The following CDK8 variants were observed in gnomAD, a reference collection of about 807,000 sequenced individuals.
CDK8 encodes the protein cyclin dependent kinase 8, also known as cyclin-dependent kinase 8.
CDK8 carries 29 observed loss-of-function variants against 71.5 expected under a neutral mutation model. The ratio of observed to expected loss-of-function variants is 0.41; its 90% CI spans 0.30 to 0.55. The LOEUF is 0.55. Ranked by LOEUF, CDK8 falls within the 20% of genes least tolerant of loss-of-function variation. CDK8 has a pLI of 0.37. For synonymous variants in CDK8, 161 were observed against 192.1 expected (o/e 0.84, Z 1.34); for missense variants, 288 against 572.6 (o/e 0.50, Z 5.07).
rs1212546124 is a variant in CDK8, at chr13:26,262,508, A to G, written c.128+7739A>G. ...GAAAAGTAATACCTGTGAAAATACC[A>G]GGAGAAGCAAAATTTGATGGGTTTC... On this transcript the variant is annotated intron_variant, in intron 1 of 12. Coordinates refer to ENST00000381527, the MANE Select transcript of CDK8 (RefSeq NM_001260.3). Among the ~76,000 whole-genome samples the G allele has an allele frequency of 2.0e-5, 3 of 152,358 alleles. No individual in the cohort carries two copies. The East Asian group carries it at 5.8e-4, about 29-fold the overall frequency.
intron 1 of CDK8, 127 bp from the exon 2 acceptor site, chr13:26,337,440 T>G: frequency 2.9e-6 from 1 of 339,740 alleles, no homozygotes; most frequent in Non-Finnish European, 5.3e-6. Flanking sequence ...TTGTACGACA[T>G]TGTATGATTA....
intron 3 of CDK8, among the ~76,000 whole-genome samples, chr13:26,350,949 A>G (rs139877158): frequency 3.3e-5 from 5 of 152,170 alleles, no homozygotes; most frequent in African/African-American, 1.2e-4. Context: ...TAACATTTAT[A>G]TATTTTTTAA....
intron 4 of CDK8, 112 bp from the exon 5 acceptor site, chr13:26,382,702 T>C: frequency 1.6e-6 from 1 of 644,428 alleles, no homozygotes; most frequent in South Asian, 2.4e-5. Context: ...TGGTTTTAAT[T>C]TTTGAATAAA....
intron 1 of CDK8, among the ~76,000 whole-genome samples, chr13:26,305,554 C>G (rs1874008220): frequency 6.6e-6 from 1 of 151,950 alleles, no homozygotes. Context: ...TCTTTCTTGT[C>G]CCTCTCTCTT....
intron 1 of CDK8, among the ~76,000 whole-genome samples, chr13:26,329,482 TG>T (rs1320572937): frequency 5.3e-4 from 58 of 109,622 alleles, no homozygotes; most frequent in South Asian, 2.6e-3. Context: ...TTTTTTTTTT[TG>T]TTTTTTTTTT....
intron 1 of CDK8, among the ~76,000 whole-genome samples, chr13:26,291,931 C>T (rs1242995007): frequency 6.6e-6 from 1 of 152,070 alleles, no homozygotes; most frequent in Non-Finnish European, 1.5e-5. Flanking sequence ...CCCTGAGTAG[C>T]TTTTTGAAAG....
intron 2 of CDK8, among the ~76,000 whole-genome samples, chr13:26,343,806 T>C (rs1196457058): frequency 2.0e-5 from 3 of 152,194 alleles, no homozygotes; most frequent in Admixed American, 1.3e-4. Flanking sequence ...TTTTCACTAT[T>C]GTAATAACAC....
In CDK8 at chr13:26,363,922, G is replaced by T. The variant is rs1874263275; in HGVS notation, c.456+10042G>T. Among the ~76,000 whole-genome samples, 7 of 152,150 alleles carry T rather than the reference G, an allele frequency of 4.6e-5. No homozygotes were observed. The South Asian group carries it at 1.5e-3, about 32-fold the overall frequency. ...ATGATGAATTATTAAGGCATTTTGG[G>T]TCTGATTCTTTTTATTTGAGTGACA... On this transcript the variant is annotated intron_variant, in intron 4 of 12. Coordinates refer to ENST00000381527, the MANE Select transcript of CDK8 (RefSeq NM_001260.3).
In CDK8 at chr13:26,378,799, A is replaced by T. The variant is rs7324096; in HGVS notation, c.457-4015A>T. ...TCACTTCATGTAAAGTTTTGGTGCT[A>T]GAGCTTAAAAACTGCTACCAAATTC... is the stretch of plus-strand genomic sequence containing the variant. On this transcript the variant is annotated intron_variant, in intron 4 of 12. Transcript: ENST00000381527. Among the ~76,000 whole-genome samples the T allele has an allele frequency of 6.6e-3, 1,003 of 152,352 alleles. 10 individuals are homozygous for T. Among genetic ancestry groups the T allele is most frequent in the African/African-American group, 0.021 (869 of 41,580 alleles).
chr13:26,265,701 C>T (rs186045574), intron 1 of CDK8, among the ~76,000 whole-genome samples: 6 of 152,162 alleles, frequency 3.9e-5, no homozygotes, highest in Admixed American at 2.0e-4. Context: ...ATGGTATGTA[C>T]GGTGAGACAA....
intron 1 of CDK8, among the ~76,000 whole-genome samples, chr13:26,306,560 A>AGATTGAAGCAAGGCCAAGGCCTT (rs1176870647): frequency 4.4e-4 from 67 of 151,698 alleles, no homozygotes; most frequent in African/African-American, 1.4e-3. Context: ...GAATCTGTTC[A>AGATTGAAGCAAGGCCAAGGCCTT]GATTGAAGCA....
chr13:26,373,969 C>T (rs1354509397), intron 4 of CDK8, among the ~76,000 whole-genome samples: 1 of 133,908 alleles, frequency 7.5e-6, no homozygotes, highest in East Asian at 2.2e-4. Context: ...ATCACGAGGT[C>T]AGGAGATTGA....
Position 26,254,495 on chromosome 13 carries a change from C to A in CDK8, c.-147C>A. ...GGCGCTTTCGCGGGGCCTCCTCCTGCTCTTGCCGCATCAGTCGGGCTGGTG... is the reference window on the plus strand; with the variant it reads ...GGCGCTTTCGCGGGGCCTCCTCCTGATCTTGCCGCATCAGTCGGGCTGGTG... On this transcript the variant is annotated 5_prime_UTR_variant, in exon 1 of 13. Transcript: ENST00000381527. The surrounding 1 kb of genome is among the most constrained non-coding windows in gnomAD (Gnocchi z 6.7). 1 of 624,988 alleles carries A rather than the reference C, an allele frequency of 1.6e-6. No individual in the cohort carries two copies. The highest frequency in any genetic ancestry group is 2.7e-6 in the Non-Finnish European group (1 of 375,590). 38.7% of individuals were successfully genotyped at this position (624,988 alleles called of 1,614,324 possible). A position where few individuals can be genotyped will look rare whatever the true frequency, so the allele number is the denominator to read the frequency against.
intron 1 of CDK8, among the ~76,000 whole-genome samples, chr13:26,264,775 C>T (rs542980885): frequency 6.6e-6 from 1 of 152,290 alleles, no homozygotes; most frequent in Non-Finnish European, 1.5e-5. Flanking sequence ...TCACTGTCTA[C>T]ATCCTTGTGT....
chr13:26,351,823 G>A (rs1873691090), intron 3 of CDK8, among the ~76,000 whole-genome samples: 1 of 152,128 alleles, frequency 6.6e-6, no homozygotes. Flanking sequence ...GAAGTGAATT[G>A]GTAGGGGTTA....
chr13:26,327,148 T>C (rs1875057576), intron 1 of CDK8, among the ~76,000 whole-genome samples: 1 of 152,222 alleles, frequency 6.6e-6, no homozygotes. Context: ...TTTTTTCAAC[T>C]TAAAGTACAT....
chr13:26,364,390 C>T (rs1874285276), intron 4 of CDK8, among the ~76,000 whole-genome samples: 1 of 152,028 alleles, frequency 6.6e-6, no homozygotes, highest in African/African-American at 2.4e-5. Flanking sequence ...TTAAATTTTA[C>T]TGTGGGTTGT....
At chr13:26,394,751 A>G (rs923401764) in intron 7 of CDK8, among the ~76,000 whole-genome samples, 2 of 152,220 alleles carry the variant, frequency 1.3e-5, no homozygotes, top group South Asian at 4.1e-4. Flanking sequence ...GAAAGCAGGC[A>G]GCAGAGGTTA....
chr13:26,263,640 A>G (rs1039092945), intron 1 of CDK8, among the ~76,000 whole-genome samples: 2 of 142,592 alleles, frequency 1.4e-5, no homozygotes, highest in Admixed American at 7.2e-5. Flanking sequence ...GGGTTTCACC[A>G]TGTTGGTCAG....
Sources: allele counts gnomAD v4.1 joint callset (sites outside exome capture counted in the v4.1 genomes callset), GRCh38; gene constraint gnomAD v4.1.1; non-coding constraint Gnocchi (gnomAD v3.1); transcripts MANE v1.5; gene names NCBI Gene and HGNC (gene_info 2026-07-23, HGNC 2026-07-21).